CDH13: variants seen among roughly 807,000 people sequenced by gnomAD.
The protein encoded by CDH13 is cadherin-13.
CDH13 carries 24 observed loss-of-function variants against 63.8 expected under a neutral mutation model. The ratio of observed to expected loss-of-function variants is 0.38; its 90% CI spans 0.27 to 0.53. The LOEUF (loss-of-function observed/expected upper bound fraction) is 0.53, where lower values mean the gene tolerates loss of function less well. Among genes scored for constraint, CDH13 ranks in the 20% least tolerant of loss-of-function variants. CDH13 has a pLI of 0.85. For missense variants in CDH13, 1,049 were observed against 903.1 expected, an observed-to-expected ratio of 1.16 and a Z score of -2.07; for synonymous variants, 503 against 355.3, an observed-to-expected ratio of 1.42 and a Z score of -4.67.
chr16:83,771,767 A>C (rs987272548), intron 11 of CDH13, among the ~76,000 whole-genome samples: 2 of 152,208 alleles, frequency 1.3e-5, no homozygotes. Flanking sequence ...TGTCATTCCT[A>C]CTAAGCAATT....
At chr16:83,186,857 C>T (rs769972900) in intron 4 of CDH13, among the ~76,000 whole-genome samples, 22 of 152,054 alleles carry the variant, frequency 1.4e-4, no homozygotes, top group Non-Finnish European at 2.9e-4. Context: ...GAAGTGGTGC[C>T]CCCATTGAAG....
At chr16:83,129,967 C>G (rs895296172) in intron 4 of CDH13, among the ~76,000 whole-genome samples, 1 of 152,232 alleles carries the variant, frequency 6.6e-6, no homozygotes, top group African/African-American at 2.4e-5. Context: ...ACTTGCCTCT[C>G]TCTCTCCATT....
At chr16:82,808,289 T>C (rs2037259639) in intron 1 of CDH13, among the ~76,000 whole-genome samples, 1 of 152,232 alleles carries the variant, frequency 6.6e-6, no homozygotes, top group Non-Finnish European at 1.5e-5. Flanking sequence ...GAGCTCATTG[T>C]CTAGGATCTC....
chr16:82,903,242 A>G (rs928781094), intron 2 of CDH13, among the ~76,000 whole-genome samples: 1 of 152,324 alleles, frequency 6.6e-6, no homozygotes, highest in Non-Finnish European at 1.5e-5. Flanking sequence ...AATGAAAAAC[A>G]TTTGGCCCAG....
At chr16:83,064,541 C>A (rs1452203736) in intron 3 of CDH13, among the ~76,000 whole-genome samples, 1 of 151,898 alleles carries the variant, frequency 6.6e-6, no homozygotes, top group East Asian at 1.9e-4. Flanking sequence ...CTTCTTTAAC[C>A]TGATTATTAT....
chr16:83,272,673 C>T (rs1172258801), intron 5 of CDH13, among the ~76,000 whole-genome samples: 4 of 152,092 alleles, frequency 2.6e-5, no homozygotes, highest in Non-Finnish European at 5.9e-5. Flanking sequence ...GTCTGTGTGG[C>T]CCCTGAAGAT....
At chr16:83,102,014 G>T (rs2034502363) in intron 3 of CDH13, among the ~76,000 whole-genome samples, 1 of 152,140 alleles carries the variant, frequency 6.6e-6, no homozygotes, top group Non-Finnish European at 1.5e-5. Flanking sequence ...TATGTTGATG[G>T]GTCCAATGTT....
intron 6 of CDH13, among the ~76,000 whole-genome samples, chr16:83,400,999 T>C (rs1307906200): frequency 1.3e-5 from 2 of 152,100 alleles, no homozygotes; most frequent in African/African-American, 4.8e-5. Context: ...AGGCCAGGAG[T>C]TCGAGCCAGC....
In CDH13 at chr16:83,039,943, A is replaced by G. The variant is rs1344289189; in HGVS notation, c.366+7725A>G. Among the ~76,000 whole-genome samples, 3 of 151,936 alleles carry G rather than the reference A, an allele frequency of 2.0e-5. No homozygotes were observed. The East Asian group carries it at 5.9e-4, about 30-fold the overall frequency. ...GGGAACAGCTCTCTGAATATCCCCCAGCTGGCTAGGTGTTCTTTCTCCAGG... is the reference window on the plus strand; with the variant it reads ...GGGAACAGCTCTCTGAATATCCCCCGGCTGGCTAGGTGTTCTTTCTCCAGG... On this transcript the variant is annotated intron_variant, in intron 3 of 13. Transcript: ENST00000567109.
intron 4 of CDH13, among the ~76,000 whole-genome samples, chr16:83,209,168 C>T (rs1473356846): frequency 4.6e-5 from 7 of 152,128 alleles, no homozygotes; most frequent in African/African-American, 1.7e-4. Flanking sequence ...GAACCACAAC[C>T]ACCTGTAAAA....
rs532567586 is a variant in CDH13 at position 82,639,273 on chromosome 16, T to C, written c.45+12136T>C. The C allele has an allele frequency of 3.5e-6, 3 of 849,198 alleles. No homozygotes were observed. In the South Asian group the frequency reaches 6.1e-5, roughly 17 times the overall value. 52.6% of individuals were successfully genotyped at this position (849,198 alleles called of 1,614,324 possible). On this transcript the variant is annotated intron_variant, in intron 1 of 13. Transcript: ENST00000567109. ...AAGTGGGTCTGGGCCCTGGACTTCC[T>C]GTCTGGGCTACTGATTGCAACCTTC...
chr16:83,368,355 G>A (rs892340823), intron 6 of CDH13, among the ~76,000 whole-genome samples: 7 of 152,092 alleles, frequency 4.6e-5, no homozygotes, highest in Non-Finnish European at 1.0e-4. Flanking sequence ...CCTTTCTAAC[G>A]TGTGAACTAA....
intron 7 of CDH13, among the ~76,000 whole-genome samples, chr16:83,579,781 G>A (rs966937507): frequency 4.6e-5 from 7 of 151,994 alleles, no homozygotes; most frequent in Non-Finnish European, 8.8e-5. Context: ...ATGTGCCATT[G>A]TGATAAGTCA....
At chr16:83,335,749 C>A (rs563723439) in intron 5 of CDH13, among the ~76,000 whole-genome samples, 16 of 152,036 alleles carry the variant, frequency 1.1e-4, no homozygotes, top group African/African-American at 3.9e-4. Flanking sequence ...TGTTTTGTTC[C>A]GATCTAATTA....
At chr16:83,557,169 G>A (rs1169540991) in intron 7 of CDH13, among the ~76,000 whole-genome samples, 1 of 152,160 alleles carries the variant, frequency 6.6e-6, no homozygotes, top group Non-Finnish European at 1.5e-5. Context: ...GAGGGATCTA[G>A]GTTGTACGCT....
chr16:82,792,788 T>A (rs552054102), intron 1 of CDH13, among the ~76,000 whole-genome samples: 1 of 152,240 alleles, frequency 6.6e-6, no homozygotes, highest in African/African-American at 2.4e-5. Context: ...ACTGTTTATT[T>A]GGAAATCATC....
chr16:82,658,833 C>T (rs1597241407), intron 1 of CDH13, among the ~76,000 whole-genome samples: 2 of 152,296 alleles, frequency 1.3e-5, no homozygotes, highest in African/African-American at 4.8e-5. Context: ...AGAAAACATA[C>T]ATTTTTCCCT....
At chr16:82,824,003 C>T (rs1008668645) in intron 1 of CDH13, 1 of 152,022 alleles carries the variant, frequency 6.6e-6, no homozygotes, top group African/African-American at 2.4e-5. Flanking sequence ...ACCAAGCTGT[C>T]TTGAGAAAAT....
In CDH13 at chr16:82,700,974, C is replaced by CGCCCCG. The variant is rs1555536215; in HGVS notation, c.45+73839_45+73844dup. ...GAACCCGCCCCCCCCCCCCCCCCCCCGCCCCGGGCATCTCCAAACTGCTGT... is the reference window on the plus strand; with the variant it reads ...GAACCCGCCCCCCCCCCCCCCCCCCCGCCCCGGCCCCGGGCATCTCCAAACTGCTGT... On this transcript the variant is annotated intron_variant, in intron 1 of 13. Coordinates refer to ENST00000567109, the MANE Select transcript of CDH13 (RefSeq NM_001257.5). Among the ~76,000 whole-genome samples the CGCCCCG allele has an allele frequency of 1.4e-3, 54 of 39,594 alleles. 2 individuals are homozygous for CGCCCCG. The highest frequency in any genetic ancestry group is 3.3e-3 in the Non-Finnish European group (46 of 13,772). The allele number at this position is 39,594 out of a possible 152,430, so 26.0% of individuals were successfully genotyped here.
Sources: gnomAD v4.1 joint callset for allele counts (sites outside exome capture counted in the v4.1 genomes callset) on GRCh38, gnomAD v4.1.1 for gene constraint, MANE v1.5 for transcripts, NCBI Gene and HGNC (gene_info 2026-07-23, HGNC 2026-07-21) for gene names.